RNF121: variants seen among roughly 807,000 people sequenced by gnomAD.
RNF121 encodes ring finger protein 121.
In RNF121, 21 loss-of-function variants were observed where a neutral mutation model predicts 46.5. The ratio of observed to expected loss-of-function variants is 0.45; its 90% CI spans 0.32 to 0.65. The LOEUF (loss-of-function observed/expected upper bound fraction) is 0.65, where lower values mean the gene tolerates loss of function less well. RNF121 is among the 30% of genes least tolerant of loss of function. The pLI, the probability that RNF121 is intolerant of heterozygous loss-of-function variation, is 0.04. For synonymous variants in RNF121, 139 were observed against 144.7 expected (o/e 0.96, Z 0.28); for missense variants, 346 against 416.0 (o/e 0.83, Z 1.46).
At chr11:71,956,527 G>A (rs1953996179) in intron 1 of RNF121, among the ~76,000 whole-genome samples, 1 of 152,190 alleles carries the variant, frequency 6.6e-6, no homozygotes, top group Non-Finnish European at 1.5e-5. Context: ...CAAATAGAAC[G>A]AGAACTTTGA....
At chr11:71,932,517 G>A (rs906751695) in intron 1 of RNF121, among the ~76,000 whole-genome samples, 17 of 152,206 alleles carry the variant, frequency 1.1e-4, no homozygotes, top group African/African-American at 4.1e-4. Context: ...ATCATCTCAT[G>A]TAAAAATTGA....
Position 71,996,268 on chromosome 11 carries a change from A to G in RNF121, c.937A>G (p.Ile313Val), listed in dbSNP as rs781070814. The part of the protein sequence containing the change: ...LRYLVAWQPV[I>V]IGVVQGINYI... ...ATACTTGGTAGCCTGGCAGCCTGTC[A>G]TCATTGGTGTAGTCCAAGGCATCAA... The change falls in exon 9 of 9, where the codon ATC becomes GTC. Residue 313 changes from isoleucine (I) to valine (V), a missense_variant. This residue lies in a region of RNF121 where 286 missense variants were observed against 383.8 expected (regional missense o/e 0.75). Transcript: ENST00000361756. 6.2e-7 allele frequency: 1 copy of G among 1,614,202 alleles called. No individual in the cohort carries two copies. The highest frequency in any genetic ancestry group is 8.5e-7 in the Non-Finnish European group (1 of 1,180,020).
intron 3 of RNF121, among the ~76,000 whole-genome samples, chr11:71,966,586 A>G (rs1211313646): frequency 4.6e-5 from 7 of 151,656 alleles, no homozygotes; most frequent in Middle Eastern, 3.2e-3. Context: ...GGCCCAGGCA[A>G]TCCTCCTGCC....
intron 3 of RNF121, among the ~76,000 whole-genome samples, chr11:71,980,808 A>G (rs1291788111): frequency 6.6e-6 from 1 of 152,242 alleles, no homozygotes; most frequent in Non-Finnish European, 1.5e-5. Context: ...TAAATGTAAA[A>G]TAGATATTTG....
At chr11:71,976,438 C>T (rs1450809040) in intron 3 of RNF121, among the ~76,000 whole-genome samples, 1 of 146,282 alleles carries the variant, frequency 6.8e-6, no homozygotes, top group East Asian at 2.0e-4. Flanking sequence ...TCACGGCAAC[C>T]TCCGCCTCCC....
intron 1 of RNF121, among the ~76,000 whole-genome samples, chr11:71,950,014 A>AACACACAC (rs57734644): frequency 6.6e-6 from 1 of 150,524 alleles, no homozygotes; most frequent in African/African-American, 2.4e-5. Context: ...AACAAAACAG[A>AACACACAC]ACACACACAC....
At position 71,996,349 on chromosome 11, in the gene RNF121, A is replaced by G. The variant is rs1954977097; in HGVS notation, c.*34A>G. On this transcript the variant is annotated 3_prime_UTR_variant, in exon 9 of 9. Coordinates refer to ENST00000361756, the MANE Select transcript of RNF121 (RefSeq NM_018320.5). ...AGCATCAGTGGAAAACCCACCCCAC[A>G]CGCCATGGACCTCAGGGCACTCTCC... is the stretch of plus-strand genomic sequence containing the variant. 1 of 1,610,492 alleles carries G rather than the reference A, an allele frequency of 6.2e-7. No individual in the cohort carries two copies. The highest frequency in any genetic ancestry group is 2.2e-5 in the East Asian group (1 of 44,794).
chr11:71,963,666 G>A (rs1211243789), intron 3 of RNF121, among the ~76,000 whole-genome samples: 1 of 152,110 alleles, frequency 6.6e-6, no homozygotes, highest in African/African-American at 2.4e-5. Context: ...TGGAGTTTTG[G>A]TCCATTTTGA....
Position 71,990,591 on chromosome 11 carries a change from T to A in RNF121, c.507-6T>A, listed in dbSNP as rs764128553. 5 of 1,613,720 alleles carry A rather than the reference T, an allele frequency of 3.1e-6. No individual in the cohort carries two copies. The highest frequency in any genetic ancestry group is 1.3e-5 in the African/African-American group (1 of 74,914). ...GGTCTTTCTAGCTCTAATGCTTCCC[T>A]TGCAGGATCAAACCAGAAGATGCCA... On this transcript the variant is annotated splice_polypyrimidine_tract_variant and splice_region_variant and intron_variant, in intron 5 of 8. Transcript: ENST00000361756.
intron 1 of RNF121, among the ~76,000 whole-genome samples, chr11:71,941,993 C>T (rs1303883690): frequency 5.5e-5 from 8 of 146,636 alleles, no homozygotes; most frequent in Admixed American, 4.2e-4. Flanking sequence ...AGTGCAGTAG[C>T]GCGATCTTGG....
Position 71,996,189 on chromosome 11 carries a change from T to C in RNF121, c.864-6T>C, listed in dbSNP as rs768696787. The C allele has an allele frequency of 8.1e-6, 13 of 1,613,818 alleles. No individual in the cohort carries two copies. The highest frequency in any genetic ancestry group is 1.7e-5 in the Admixed American group (1 of 59,984). On this transcript the variant is annotated splice_region_variant and splice_polypyrimidine_tract_variant and intron_variant, in intron 8 of 8. Coordinates refer to ENST00000361756, the MANE Select transcript of RNF121 (RefSeq NM_018320.5). ...ACAGAGTCTCTTTTCTTTAACACAC[T>C]GACAGCTGGGAGAGGCCTCACGTCA...
rs1345492478 is a variant in RNF121 at position 71,960,858 on chromosome 11, G to A, written c.210G>A (p.Val70=). ...ATLVVAQLLL[V]QWKQRHPRSY... Reference sequence around the variant, plus strand: ...TGGTGGTGGCCCAGCTGCTCCTGGTGCAGTGGAAGCAGAGGCACCCACGCT... The same window carrying A: ...TGGTGGTGGCCCAGCTGCTCCTGGTACAGTGGAAGCAGAGGCACCCACGCT... Residue 70 remains valine, a synonymous_variant, in exon 3 of 9, where the codon GTG becomes GTA. Coordinates refer to ENST00000361756, the MANE Select transcript of RNF121 (RefSeq NM_018320.5). The A allele has an allele frequency of 6.2e-7, 1 of 1,614,010 alleles. No homozygotes were observed. Among genetic ancestry groups the A allele is most frequent in the Non-Finnish European group, 8.5e-7 (1 of 1,180,012 alleles).
chr11:71,986,460 T>G (rs754170492), intron 4 of RNF121, among the ~76,000 whole-genome samples: 1 of 152,192 alleles, frequency 6.6e-6, no homozygotes, highest in Non-Finnish European at 1.5e-5. Flanking sequence ...TTTTCCTTGG[T>G]CTGAAACCAT....
chr11:71,959,779 G>C (rs1280271970), intron 2 of RNF121, among the ~76,000 whole-genome samples: 1 of 151,992 alleles, frequency 6.6e-6, no homozygotes, highest in African/African-American at 2.4e-5. Context: ...GGGATCACAG[G>C]CATGCACCAC....
intron 3 of RNF121, among the ~76,000 whole-genome samples, chr11:71,963,467 A>C (rs1954188940): frequency 6.6e-6 from 1 of 152,178 alleles, no homozygotes; most frequent in African/African-American, 2.4e-5. Flanking sequence ...ATAAAAATAC[A>C]AAAATAGCTG....
chr11:71,945,997 G>C (rs1297095819), intron 1 of RNF121, among the ~76,000 whole-genome samples: 2 of 152,016 alleles, frequency 1.3e-5, no homozygotes, highest in Non-Finnish European at 2.9e-5. Context: ...TGTAGTCCCT[G>C]CTACTCGGGA....
intron 3 of RNF121, 151 bp downstream of exon 3, chr11:71,961,042 G>C: frequency 1.2e-6 from 1 of 868,704 alleles, no homozygotes; most frequent in Non-Finnish European, 1.8e-6. Context: ...GTGTATTGGC[G>C]AGTGTGTGTC....
At chr11:71,981,746 T>C (rs1954664388) in intron 3 of RNF121, among the ~76,000 whole-genome samples, 1 of 152,220 alleles carries the variant, frequency 6.6e-6, no homozygotes, top group Non-Finnish European at 1.5e-5. Context: ...GAGGGAGTCC[T>C]ACTCTAGTTT....
chr11:71,937,141 C>A (rs1427603291), intron 1 of RNF121, among the ~76,000 whole-genome samples: 1 of 152,156 alleles, frequency 6.6e-6, no homozygotes, highest in Non-Finnish European at 1.5e-5. Flanking sequence ...TTTCTGCTCC[C>A]GTAGCGCCCT....
Sources: gnomAD v4.1 joint callset for allele counts (sites outside exome capture counted in the v4.1 genomes callset) on GRCh38, gnomAD v4.1.1 for gene constraint, gnomAD v4.1.1 regional missense constraint, MANE v1.5 for transcripts, NCBI Gene and HGNC (gene_info 2026-07-23, HGNC 2026-07-21) for gene names.